The following OVCH1 variants were observed in gnomAD, a reference collection of about 807,000 sequenced individuals.
The protein encoded by OVCH1 is ovochymase-1.
OVCH1 carries 139 observed loss-of-function variants against 138.4 expected under a neutral mutation model. The observed-to-expected ratio is 1.00, with a 90% confidence interval of 0.87 to 1.16. The LOEUF (loss-of-function observed/expected upper bound fraction) is 1.16, where lower values mean the gene tolerates loss of function less well. OVCH1 is among the 50% of genes most tolerant of loss of function. OVCH1 has a pLI of 0.00. For synonymous variants in OVCH1, 453 were observed against 467.8 expected (o/e 0.97, Z 0.41); for missense variants, 1,367 against 1,357.9 (o/e 1.01, Z -0.11).
chr12:29,465,095 T>C, intron 17 of OVCH1, 52 bp downstream of exon 17: 1 of 1,459,834 alleles, frequency 6.9e-7, no homozygotes, highest in Non-Finnish European at 9.4e-7. Flanking sequence ...TTCCTTGGCA[T>C]GTGACAACAT....
chr12:29,471,791 G>A lies in OVCH1; in HGVS notation c.1856+11C>T, dbSNP rs536709990. On this transcript the variant is annotated intron_variant, in intron 16 of 27. Transcript: ENST00000318184. ...TGCTAAATAGGTTGGTAAAATACCA[G>A]TTTCACTCACAATTGCACACAGTGG... 3 of 1,601,920 alleles carry A rather than the reference G, an allele frequency of 1.9e-6. No homozygotes were observed. The highest frequency in any genetic ancestry group is 2.7e-5 in the African/African-American group (2 of 74,730).
chr12:29,472,039 C>T (rs902421134), intron 15 of OVCH1, 57 bp from the exon 16 acceptor site: 51 of 1,470,868 alleles, frequency 3.5e-5, no homozygotes, highest in South Asian at 1.4e-4. Context: ...GAACATACTC[C>T]TCCAATAGCT....
chr12:29,483,677 C>A (rs531396927), intron 8 of OVCH1, among the ~76,000 whole-genome samples: 1 of 152,306 alleles, frequency 6.6e-6, no homozygotes, highest in East Asian at 1.9e-4. Flanking sequence ...ACCCAAAAAA[C>A]CCCAATCTTC....
chr12:29,424,146 G>T (rs570829317), downstream of OVCH1, among the ~76,000 whole-genome samples: 339 of 152,270 alleles, frequency 2.2e-3, no homozygotes, highest in African/African-American at 7.8e-3. Context: ...GATAAGCATT[G>T]TTTCTATAGA....
intron 16 of OVCH1, among the ~76,000 whole-genome samples, chr12:29,468,572 A>G (rs540158857): frequency 6.6e-6 from 1 of 152,156 alleles, no homozygotes; most frequent in South Asian, 2.1e-4. Flanking sequence ...CAATACTAAT[A>G]TTTTCTTTTC....
chr12:29,495,587 T>C, intron 3 of OVCH1, 130 bp from the exon 4 acceptor site: 1 of 765,538 alleles, frequency 1.3e-6, no homozygotes, highest in Non-Finnish European at 2.0e-6. Flanking sequence ...AGGTTTTCCT[T>C]ATTATTGAGT....
At chr12:29,450,808 C>T (rs1022431853) in intron 22 of OVCH1, among the ~76,000 whole-genome samples, 1 of 152,068 alleles carries the variant, frequency 6.6e-6, no homozygotes, top group Admixed American at 6.6e-5. Context: ...AAATGTGGCA[C>T]ATATACACCA....
In OVCH1 at chr12:29,476,756, C is replaced by CGCGCGT. The variant is rs1491194492; in HGVS notation, c.1377+345_1377+346insACGCGC. 2.3e-3 allele frequency among the ~76,000 whole-genome samples: 10 copies of CGCGCGT among 4,354 alleles called. 1 individual carries two copies. The highest frequency in any genetic ancestry group is 2.7e-3 in the African/African-American group (10 of 3,724). 2.9% of individuals were successfully genotyped at this position (4,354 alleles called of 152,430 possible). A position where few individuals can be genotyped will look rare whatever the true frequency, so the allele number is the denominator to read the frequency against. On this transcript the variant is annotated intron_variant, in intron 12 of 27. Coordinates refer to ENST00000318184, the Ensembl canonical transcript of OVCH1. ...CAAGCAGCATAAGTACACACGCGCG[C>CGCGCGT]ACACACACACACACACACACACACA...
At chr12:29,423,817 C>T (rs1285547982), downstream of OVCH1, among the ~76,000 whole-genome samples, 1 of 152,144 alleles carries the variant, frequency 6.6e-6, no homozygotes, top group Non-Finnish European at 1.5e-5. Flanking sequence ...AGTAGTTAAT[C>T]TCTACATCGT....
intron 6 of OVCH1, among the ~76,000 whole-genome samples, chr12:29,488,958 A>T (rs1223812612): frequency 6.6e-6 from 1 of 151,746 alleles, no homozygotes; most frequent in African/African-American, 2.4e-5. Flanking sequence ...AAATCCTTCC[A>T]ACAGATAATT....
chr12:29,453,951 T>C (rs187546227), intron 21 of OVCH1, among the ~76,000 whole-genome samples: 32 of 152,272 alleles, frequency 2.1e-4, no homozygotes, highest in South Asian at 4.1e-4. Context: ...TCGAGAAATA[T>C]GTCATCCTTT....
At chr12:29,490,174 C>CCA (rs2136083893) in intron 5 of OVCH1, among the ~76,000 whole-genome samples, 1 of 152,238 alleles carries the variant, frequency 6.6e-6, no homozygotes, top group African/African-American at 2.4e-5. Context: ...AGTGATTCTC[C>CCA]CACCTCAGTT....
chr12:29,441,746 A>G (rs1464720737), intron 25 of OVCH1, among the ~76,000 whole-genome samples: 2 of 152,216 alleles, frequency 1.3e-5, no homozygotes, highest in East Asian at 3.8e-4. Context: ...AATATCCAGA[A>G]TATACAATGA....
intron 21 of OVCH1, among the ~76,000 whole-genome samples, chr12:29,453,393 C>A (rs1202309549): frequency 6.6e-6 from 1 of 152,088 alleles, no homozygotes. Context: ...CATGATGATT[C>A]CAGCACTGAA....
intron 22 of OVCH1, among the ~76,000 whole-genome samples, chr12:29,450,664 G>T (rs1941761813): frequency 6.6e-6 from 1 of 152,096 alleles, no homozygotes; most frequent in Non-Finnish European, 1.5e-5. Flanking sequence ...TCCCATTCCT[G>T]GGTATATACC....
At chr12:29,479,357 T>G (rs922042821) in intron 8 of OVCH1, among the ~76,000 whole-genome samples, 1 of 152,186 alleles carries the variant, frequency 6.6e-6, no homozygotes, top group Admixed American at 6.5e-5. Context: ...ATGCTAACCT[T>G]AAACAGCCAC....
intron 3 of OVCH1, among the ~76,000 whole-genome samples, chr12:29,495,750 AC>A (rs1943398781): frequency 6.6e-6 from 1 of 152,206 alleles, no homozygotes. Flanking sequence ...GTAACAGGAT[AC>A]AGAAGTTTTT....
At position 29,444,299 on chromosome 12, in the gene OVCH1, G is replaced by C. The variant is rs780741885; in HGVS notation, c.2882-19C>G. On this transcript the variant is annotated intron_variant, in intron 23 of 27. Transcript: ENST00000318184. ...TTTGGACCTAAAAGAACAGGAAGCAGAGAAAATGAGAATAAAACCAATTTT... is the reference window on the plus strand; with the variant it reads ...TTTGGACCTAAAAGAACAGGAAGCACAGAAAATGAGAATAAAACCAATTTT... 2 of 1,607,172 alleles carry C rather than the reference G, an allele frequency of 1.2e-6. No individual in the cohort carries two copies. The highest frequency in any genetic ancestry group is 2.2e-5 in the East Asian group (1 of 44,744).
chr12:29,455,128 AAC>A lies in OVCH1; in HGVS notation c.2437+119_2437+120del, dbSNP rs1462608818. The A allele has an allele frequency of 2.4e-6, 3 of 1,262,260 alleles. No individual in the cohort carries two copies. The East Asian group carries it at 7.3e-5, about 31-fold the overall frequency. The allele number at this position is 1,262,260 out of a possible 1,614,324, so 78.2% of individuals were successfully genotyped here. A position where few individuals can be genotyped will look rare whatever the true frequency, so the allele number is the denominator to read the frequency against. Reference sequence around the variant, plus strand: ...AATCTTGCATTTTAGTGTGTTTAGTAACTAAATGAAATTCTACTCTATGGTTT... The same window carrying A: ...AATCTTGCATTTTAGTGTGTTTAGTATAAATGAAATTCTACTCTATGGTTT... On this transcript the variant is annotated intron_variant, in intron 20 of 27. Transcript: ENST00000318184.
Sources: allele counts gnomAD v4.1 joint callset (sites outside exome capture counted in the v4.1 genomes callset), GRCh38; gene constraint gnomAD v4.1.1; transcripts MANE v1.5; gene names NCBI Gene and HGNC (gene_info 2026-07-23, HGNC 2026-07-21).